The following DSCAML1 variants were observed in gnomAD, a reference collection of about 807,000 sequenced individuals.
DSCAML1 encodes the protein DS cell adhesion molecule like 1.
A neutral mutation model predicts 200.5 loss-of-function variants in DSCAML1; 38 were observed. The observed-to-expected ratio is 0.19, with a 90% CI of 0.15 to 0.25. DSCAML1 has a LOEUF of 0.25. DSCAML1 is among the 10% of genes least tolerant of loss of function. The probability of loss-of-function intolerance (pLI) is 1.00; values close to 1 mark genes in which losing one functional copy is unlikely to be tolerated. For missense variants in DSCAML1, 2,223 were observed against 2,858.8 expected (o/e 0.78, Z 5.07); for synonymous variants, 1,215 against 1,165.0 (o/e 1.04, Z -0.87).
At chr11:117,761,087 A>C (rs2054793241) in intron 3 of DSCAML1, among the ~76,000 whole-genome samples, 1 of 152,164 alleles carries the variant, frequency 6.6e-6, no homozygotes, top group African/African-American at 2.4e-5. Flanking sequence ...CTGGATACTC[A>C]TCCGATAAAA....
At chr11:117,470,432 G>T (rs1236673852) in intron 15 of DSCAML1, among the ~76,000 whole-genome samples, 2 of 152,146 alleles carry the variant, frequency 1.3e-5, no homozygotes, top group African/African-American at 4.8e-5. Context: ...AAAATTAGCC[G>T]GGCGAGGTGG....
chr11:117,623,113 C>A (rs1175583013), intron 3 of DSCAML1, among the ~76,000 whole-genome samples: 1 of 152,142 alleles, frequency 6.6e-6, no homozygotes, highest in Non-Finnish European at 1.5e-5. Flanking sequence ...GACATGAGAA[C>A]CCTGGCTTCT....
At chr11:117,611,014 T>TC (rs2051681008) in intron 3 of DSCAML1, 1 of 152,142 alleles carries the variant, frequency 6.6e-6, no homozygotes, top group Admixed American at 6.5e-5. Context: ...CCTGTTTACA[T>TC]CCCCACCAGC....
intron 3 of DSCAML1, among the ~76,000 whole-genome samples, chr11:117,745,726 T>C (rs541167558): frequency 5.2e-4 from 79 of 152,346 alleles, no homozygotes; most frequent in African/African-American, 1.7e-3. Context: ...CAGCTCAGCA[T>C]GGAGCATCTG....
intron 3 of DSCAML1, among the ~76,000 whole-genome samples, chr11:117,759,315 G>A: frequency 6.6e-6 from 1 of 152,192 alleles, no homozygotes; most frequent in East Asian, 1.9e-4. Context: ...TAGAGGAGGG[G>A]CAGGACAGGG....
At chr11:117,796,994 C>T (rs558972028) in intron 1 of DSCAML1, 40 bp downstream of exon 1, 43 of 1,343,058 alleles carry the variant, frequency 3.2e-5, no homozygotes, top group Admixed American at 8.8e-5. Context: ...CCACCCTGGC[C>T]CCGCCGCCTC....
intron 14 of DSCAML1, among the ~76,000 whole-genome samples, chr11:117,476,306 T>C (rs920304762): frequency 2.0e-5 from 3 of 152,190 alleles, no homozygotes; most frequent in Admixed American, 1.3e-4. Context: ...AAAAGCCACA[T>C]CTGGAGCGTT....
chr11:117,696,042 T>A (rs963832687), intron 3 of DSCAML1, among the ~76,000 whole-genome samples: 4 of 151,990 alleles, frequency 2.6e-5, no homozygotes, highest in African/African-American at 9.7e-5. Flanking sequence ...AAAAACAAGA[T>A]GTCATAAAAA....
intron 3 of DSCAML1, among the ~76,000 whole-genome samples, chr11:117,602,600 A>T (rs2051485617): frequency 6.6e-6 from 1 of 151,938 alleles, no homozygotes; most frequent in African/African-American, 2.4e-5. Context: ...AGCTCAAGTG[A>T]TCTGCCTGCC....
intron 8 of DSCAML1, among the ~76,000 whole-genome samples, chr11:117,508,545 AG>A (rs1334040199): frequency 6.8e-6 from 1 of 146,556 alleles, no homozygotes; most frequent in Non-Finnish European, 1.5e-5. Context: ...CTAGAATAAG[AG>A]GGGGGGTCTG....
chr11:117,574,888 C>T (rs1322774985), intron 3 of DSCAML1, among the ~76,000 whole-genome samples: 2 of 152,294 alleles, frequency 1.3e-5, no homozygotes, highest in Middle Eastern at 3.4e-3. Flanking sequence ...TGAGCAGGCA[C>T]AGTTACTAGA....
chr11:117,708,131 A>AG (rs1199743981), intron 3 of DSCAML1, among the ~76,000 whole-genome samples: 6 of 152,104 alleles, frequency 3.9e-5, no homozygotes, highest in Non-Finnish European at 8.8e-5. Context: ...CACACACCAT[A>AG]GGACAGTATG....
At chr11:117,751,520 G>A (rs2054605060) in intron 3 of DSCAML1, among the ~76,000 whole-genome samples, 1 of 151,766 alleles carries the variant, frequency 6.6e-6, no homozygotes, top group African/African-American at 2.4e-5. Context: ...TAACATGCCT[G>A]GGCACCATCT....
chr11:117,711,616 T>C (rs1390680280), intron 3 of DSCAML1, among the ~76,000 whole-genome samples: 3 of 152,194 alleles, frequency 2.0e-5, no homozygotes, highest in African/African-American at 4.8e-5. Flanking sequence ...ACAACACTCA[T>C]GGTGTGCTGA....
chr11:117,614,753 A>G (rs1322186116), intron 3 of DSCAML1, among the ~76,000 whole-genome samples: 1 of 152,236 alleles, frequency 6.6e-6, no homozygotes, highest in Non-Finnish European at 1.5e-5. Flanking sequence ...TCCCTGCTTC[A>G]GTGGGAAGCC....
chr11:117,443,480 C>T (rs1302055726), intron 21 of DSCAML1, among the ~76,000 whole-genome samples: 2 of 152,250 alleles, frequency 1.3e-5, no homozygotes, highest in South Asian at 4.1e-4. Context: ...CAGTTCAGCA[C>T]GGGGGCTCTC....
intron 21 of DSCAML1, among the ~76,000 whole-genome samples, chr11:117,443,121 G>T (rs1447668813): frequency 6.6e-6 from 1 of 152,178 alleles, no homozygotes; most frequent in African/African-American, 2.4e-5. Context: ...ATAAGAGAGT[G>T]GGGGAGTGAG....
intron 3 of DSCAML1, among the ~76,000 whole-genome samples, chr11:117,626,763 TG>T (rs1233815093): frequency 6.6e-6 from 1 of 152,096 alleles, no homozygotes; most frequent in Non-Finnish European, 1.5e-5. Context: ...CCCACATCCC[TG>T]GACTACTGGC....
intron 1 of DSCAML1, among the ~76,000 whole-genome samples, chr11:117,814,505 G>C (rs10892177): frequency 0.29 from 43,855 of 152,160 alleles, 7,097 homozygotes; most frequent in Non-Finnish European, 0.37. Flanking sequence ...CAGGGACAGG[G>C]GTGGTCCACC....
Sources: allele counts gnomAD v4.1 joint callset (sites outside exome capture counted in the v4.1 genomes callset), GRCh38; gene constraint gnomAD v4.1.1; transcripts MANE v1.5; gene names NCBI Gene and HGNC (gene_info 2026-07-23, HGNC 2026-07-21).